Variants in EMILIN2 observed in about 807,000 individuals in gnomAD.
EMILIN2 encodes the protein elastin microfibril interfacer 2.
EMILIN2 carries 71 observed loss-of-function variants against 87.1 expected under a neutral mutation model. The observed-to-expected ratio is 0.82, with a 90% confidence interval of 0.67 to 0.99. The LOEUF is 0.99. Ranked by LOEUF, EMILIN2 falls within the 50% of genes least tolerant of loss-of-function variation. The pLI, the probability that EMILIN2 is intolerant of heterozygous loss-of-function variation, is 0.00. For missense variants in EMILIN2, 1,407 were observed against 1,371.8 expected, an observed-to-expected ratio of 1.03 and a Z score of -0.40; for synonymous variants, 581 against 563.4, an observed-to-expected ratio of 1.03 and a Z score of -0.44.
chr18:2,869,432 T>C (rs948456274), intron 2 of EMILIN2, among the ~76,000 whole-genome samples: 2 of 152,220 alleles, frequency 1.3e-5, no homozygotes, highest in Admixed American at 6.5e-5. Context: ...TCTCTCCACG[T>C]ACCCCCTCCC....
chr18:2,899,465 C>T (rs1485768368), intron 4 of EMILIN2, among the ~76,000 whole-genome samples: 2 of 152,192 alleles, frequency 1.3e-5, no homozygotes, highest in East Asian at 3.8e-4. Flanking sequence ...CTCCTATGCG[C>T]TTCCATATAA....
rs371603279 is a variant in EMILIN2 at position 2,891,039 on chromosome 18, G to A, written c.912G>A (p.Pro304=). Residue 304 remains proline (P), a synonymous_variant, in exon 4 of 8, where the codon CCG becomes CCA. Transcript: ENST00000254528. The surrounding 1 kb of genome is among the most constrained non-coding windows in gnomAD (Gnocchi z 4.6). ...AGCTCCAGGAAGCAGCTCAGGGCCC[G>A]ACGGTGACCATGACAACCAACGAAC... is the stretch of plus-strand genomic sequence containing the variant. ...LRQLQEAAQG[P]TVTMTTNELY... 178 of 1,614,066 alleles carry A rather than the reference G, an allele frequency of 1.1e-4. No homozygotes were observed. Among genetic ancestry groups the A allele is most frequent in the Admixed American group, 2.7e-4 (16 of 60,008 alleles).
intron 3 of EMILIN2, among the ~76,000 whole-genome samples, chr18:2,889,133 CTTTT>C (rs772439545): frequency 7.1e-5 from 6 of 84,310 alleles, no homozygotes; most frequent in South Asian, 3.9e-4. Flanking sequence ...TCTTTCTTTT[CTTTT>C]TTTTTTTTTT....
Position 2,906,878 on chromosome 18 carries a change from G to T in EMILIN2, c.2455G>T (p.Asp819Tyr). 2 of 1,389,198 alleles carry T rather than the reference G, an allele frequency of 1.4e-6. No homozygotes were observed. Among genetic ancestry groups the T allele is most frequent in the Non-Finnish European group, 1.9e-6 (2 of 1,070,042 alleles). The allele number at this position is 1,389,198 out of a possible 1,614,324, so 86.1% of individuals were successfully genotyped here. A position where few individuals can be genotyped will look rare whatever the true frequency, so the allele number is the denominator to read the frequency against. ...GCCCAGCGGCCCCGCAACCGCAGAG[G>T]ACCCTGGGCGACGGCCCGTCCTGCC... ...PRPSGPATAEDPGRRPVLPQR... is the reference protein window; with the variant it reads ...PRPSGPATAEYPGRRPVLPQR... The change falls in exon 5 of 8, where the codon GAC becomes TAC. Residue 819 changes from aspartate to tyrosine, a missense_variant. By Grantham distance (160) the Asp-to-Tyr change is radical. Transcript: ENST00000254528.
rs189381975 is a variant in EMILIN2, at chr18:2,878,776, G to A, written c.258-6188G>A. Among the ~76,000 whole-genome samples the A allele has an allele frequency of 1.6e-3, 244 of 152,242 alleles. 1 individual carries two copies. The highest frequency in any genetic ancestry group is 5.4e-3 in the African/African-American group (225 of 41,550). ...TCTGGTTTCTTCCTCCATCCTCCCG[G>A]CTCCGTTCCAGTCAATACTGTGTTC... On this transcript the variant is annotated intron_variant, in intron 2 of 7. Transcript: ENST00000254528.
chr18:2,897,178 T>C (rs2076867613), intron 4 of EMILIN2, among the ~76,000 whole-genome samples: 4 of 151,658 alleles, frequency 2.6e-5, no homozygotes, highest in Admixed American at 2.0e-4. Flanking sequence ...GATAAAGGAG[T>C]TGGATTTTAA....
At chr18:2,898,189 T>G (rs2076872423) in intron 4 of EMILIN2, among the ~76,000 whole-genome samples, 1 of 152,226 alleles carries the variant, frequency 6.6e-6, no homozygotes, top group Non-Finnish European at 1.5e-5. Flanking sequence ...GAGTGATTCA[T>G]AGGGAATTAC....
intron 4 of EMILIN2, among the ~76,000 whole-genome samples, chr18:2,903,068 T>C (rs916694551): frequency 6.6e-5 from 10 of 151,546 alleles, no homozygotes; most frequent in African/African-American, 2.2e-4. Flanking sequence ...GAGTTTTAGA[T>C]AGAGAGACAT....
chr18:2,883,517 A>G (rs898814531), intron 2 of EMILIN2, among the ~76,000 whole-genome samples: 7 of 152,194 alleles, frequency 4.6e-5, no homozygotes, highest in African/African-American at 1.7e-4. Flanking sequence ...GGAAATCACA[A>G]TTGGGCTGAA....
At chr18:2,909,096 C>G in intron 6 of EMILIN2, 121 bp downstream of exon 6, 4 of 1,246,780 alleles carry the variant, frequency 3.2e-6, no homozygotes, top group Non-Finnish European at 4.7e-6. Flanking sequence ...GGGCCCAGCC[C>G]TTCCCCACCC....
At chr18:2,860,236 G>C (rs1013884054) in intron 2 of EMILIN2, among the ~76,000 whole-genome samples, 3 of 151,894 alleles carry the variant, frequency 2.0e-5, no homozygotes, top group Non-Finnish European at 2.9e-5. Flanking sequence ...TGTCATCTAT[G>C]ATTCCTTTTT....
intron 4 of EMILIN2, among the ~76,000 whole-genome samples, chr18:2,898,973 C>T (rs1023068581): frequency 3.3e-5 from 5 of 152,186 alleles, no homozygotes; most frequent in South Asian, 2.1e-4. Context: ...CCCTTTGGTT[C>T]GTGTAAACCG....
intron 2 of EMILIN2, among the ~76,000 whole-genome samples, chr18:2,851,090 G>GAA (rs113621895): frequency 6.1e-5 from 8 of 130,452 alleles, no homozygotes; most frequent in East Asian, 2.2e-4. Flanking sequence ...GGCTCTGATG[G>GAA]AAAAAAAAAA....
intron 4 of EMILIN2, 54 bp downstream of exon 4, chr18:2,892,540 C>T: frequency 6.6e-7 from 1 of 1,507,616 alleles, no homozygotes; most frequent in Non-Finnish European, 8.8e-7. Context: ...CACGCAACAA[C>T]ATTTTAAAAA....
At chr18:2,909,934 C>G (rs1241146069) in intron 7 of EMILIN2, 115 bp downstream of exon 7, 1 of 1,437,402 alleles carries the variant, frequency 7.0e-7, no homozygotes, top group African/African-American at 1.4e-5. Context: ...GAGGACGCCA[C>G]CCTGGAGCAG....
At chr18:2,902,096 T>C (rs1473667676) in intron 4 of EMILIN2, among the ~76,000 whole-genome samples, 1 of 152,186 alleles carries the variant, frequency 6.6e-6, no homozygotes, top group East Asian at 1.9e-4. Flanking sequence ...AAATGGATTA[T>C]AGTAAAAGAC....
rs1598509700 is a variant in EMILIN2 at position 2,914,050 on chromosome 18, A to G, written c.*646A>G. 6.6e-6 allele frequency: 1 copy of G among 151,414 alleles called. No individual in the cohort carries two copies. Among genetic ancestry groups the G allele is most frequent in the Admixed American group, 6.6e-5 (1 of 15,148 alleles). 9.4% of individuals were successfully genotyped at this position (151,414 alleles called of 1,614,324 possible). On this transcript the variant is annotated 3_prime_UTR_variant, in exon 8 of 8. Coordinates refer to ENST00000254528, the MANE Select transcript of EMILIN2 (RefSeq NM_032048.3). ...TTAAGTGCAAAGACAGGGAGTGTCA[A>G]TAAAGATGGAAAGCCATTTCCAGTT...
intron 3 of EMILIN2, among the ~76,000 whole-genome samples, chr18:2,885,470 G>A (rs1223187918): frequency 6.6e-6 from 1 of 152,182 alleles, no homozygotes; most frequent in Admixed American, 6.5e-5. Context: ...TGTACTGTTT[G>A]TTTTTACTTG....
At chr18:2,889,993 A>T (rs1015771449) in intron 3 of EMILIN2, among the ~76,000 whole-genome samples, 6 of 152,190 alleles carry the variant, frequency 3.9e-5, no homozygotes, top group Non-Finnish European at 8.8e-5. Flanking sequence ...GAGCACAGAG[A>T]TGTTAATGAA....
Sources: allele counts gnomAD v4.1 joint callset (sites outside exome capture counted in the v4.1 genomes callset), GRCh38; gene constraint gnomAD v4.1.1; non-coding constraint Gnocchi (gnomAD v3.1); transcripts MANE v1.5; gene names NCBI Gene and HGNC (gene_info 2026-07-23, HGNC 2026-07-21).